NFATC1: variants seen among roughly 807,000 people sequenced by gnomAD.
NFATC1 encodes the protein nuclear factor of activated T-cells, cytoplasmic 1.
A neutral mutation model predicts 76.0 loss-of-function variants in NFATC1; 22 were observed. The observed-to-expected ratio is 0.29, with a 90% confidence interval of 0.21 to 0.41. The LOEUF (loss-of-function observed/expected upper bound fraction) is 0.41. Among genes scored for constraint, NFATC1 ranks in the 10% least tolerant of loss-of-function variants. The pLI is 1.00. For missense variants in NFATC1, 1,357 were observed against 1,337.7 expected (o/e 1.01, Z -0.23); for synonymous variants, 704 against 613.1 (o/e 1.15, Z -2.19).
chr18:79,400,705 C>G (rs1193840096), intron 1 of NFATC1, among the ~76,000 whole-genome samples: 2 of 151,484 alleles, frequency 1.3e-5, no homozygotes, highest in Non-Finnish European at 3.0e-5. Context: ...GCAGCCCGGA[C>G]ACGGGCGTGG....
At chr18:79,442,684 G>A (rs966937499) in intron 3 of NFATC1, among the ~76,000 whole-genome samples, 4 of 152,180 alleles carry the variant, frequency 2.6e-5, no homozygotes, top group East Asian at 1.9e-4. Flanking sequence ...TTGGCGCCAC[G>A]TGCTCACGCT....
intron 2 of NFATC1, among the ~76,000 whole-genome samples, chr18:79,423,789 C>G (rs1428714145): frequency 1.3e-5 from 2 of 152,224 alleles, no homozygotes; most frequent in Admixed American, 6.5e-5. Context: ...GGCCCGTGCC[C>G]TCCTCTGGGC....
intron 9 of NFATC1, among the ~76,000 whole-genome samples, chr18:79,492,625 CG>C (rs2089713338): frequency 6.6e-6 from 1 of 151,734 alleles, no homozygotes; most frequent in African/African-American, 2.4e-5. Context: ...AGGAGAATGG[CG>C]TGAACCTGGG....
chr18:79,402,866 C>T (rs140294070), intron 1 of NFATC1, among the ~76,000 whole-genome samples: 27 of 152,286 alleles, frequency 1.8e-4, no homozygotes, highest in South Asian at 4.1e-4. Flanking sequence ...CAGCTTTTGA[C>T]GGGTGATAGA....
At chr18:79,433,362 C>G (rs1461575694) in intron 2 of NFATC1, among the ~76,000 whole-genome samples, 1 of 152,178 alleles carries the variant, frequency 6.6e-6, no homozygotes, top group African/African-American at 2.4e-5. Context: ...TAAGGTTGTG[C>G]TTGGAAAATG....
intron 8 of NFATC1, among the ~76,000 whole-genome samples, chr18:79,478,784 A>G (rs542538267): frequency 6.6e-6 from 1 of 152,238 alleles, no homozygotes; most frequent in South Asian, 2.1e-4. Flanking sequence ...TCAGCTCCCA[A>G]CGTCACTGCT....
chr18:79,494,976 C>G (rs1314665572), intron 9 of NFATC1, among the ~76,000 whole-genome samples: 1 of 152,168 alleles, frequency 6.6e-6, no homozygotes, highest in African/African-American at 2.4e-5. Context: ...AGAGCGGGCA[C>G]ACGCCCCCCA....
intron 9 of NFATC1, among the ~76,000 whole-genome samples, chr18:79,526,686 T>TTA (rs1053073093): frequency 3.9e-5 from 6 of 152,248 alleles, no homozygotes; most frequent in African/African-American, 1.4e-4. Flanking sequence ...TTTATTATTG[T>TTA]TATTCTTAAA....
rs1569029902 is a variant in NFATC1 at position 79,494,277 on chromosome 18, AC to A, written c.2782+7342del. On this transcript the variant is annotated intron_variant, in intron 9 of 9. Coordinates refer to ENST00000427363, the MANE Select transcript of NFATC1 (RefSeq NM_001278669.2). ...GGCACACGCCCCCCATGAACCTGGT[AC>A]CGCCGGGGGAAGGCGAGAGCGGGCA... is the stretch of plus-strand genomic sequence containing the variant. Among the ~76,000 whole-genome samples the A allele has an allele frequency of 5.4e-4, 57 of 105,540 alleles. 6 individuals are homozygous for A. Among genetic ancestry groups the A allele is most frequent in the Non-Finnish European group, 7.5e-4 (38 of 50,378 alleles). 69.2% of individuals were successfully genotyped at this position (105,540 alleles called of 152,430 possible). A position where few individuals can be genotyped will look rare whatever the true frequency, so the allele number is the denominator to read the frequency against.
intron 6 of NFATC1, among the ~76,000 whole-genome samples, chr18:79,457,614 G>C (rs1378537050): frequency 6.6e-6 from 1 of 152,168 alleles, no homozygotes; most frequent in Non-Finnish European, 1.5e-5. Context: ...TAATTCGGTG[G>C]GTTTTGGTGG....
chr18:79,485,691 C>T (rs2089472333), intron 8 of NFATC1, among the ~76,000 whole-genome samples: 1 of 152,238 alleles, frequency 6.6e-6, no homozygotes, highest in Non-Finnish European at 1.5e-5. Flanking sequence ...AGCCTCCACA[C>T]AGCCTGTCCC....
chr18:79,485,089 CTGTT>C (rs2089456101), intron 8 of NFATC1, among the ~76,000 whole-genome samples: 1 of 152,358 alleles, frequency 6.6e-6, no homozygotes, highest in African/African-American at 2.4e-5. Context: ...GTGGTGGCGA[CTGTT>C]TGCACCGGGA....
intron 8 of NFATC1, among the ~76,000 whole-genome samples, chr18:79,482,634 G>A (rs185178560): frequency 2.3e-5 from 3 of 131,516 alleles, no homozygotes; most frequent in South Asian, 5.0e-4. Context: ...TAATTCCAGC[G>A]TGACCTCGTT....
chr18:79,447,939 G>GT (rs1167659829), intron 3 of NFATC1, among the ~76,000 whole-genome samples: 1 of 152,242 alleles, frequency 6.6e-6, no homozygotes, highest in Non-Finnish European at 1.5e-5. Flanking sequence ...TCATCCCACA[G>GT]AACAGCTGGT....
intron 9 of NFATC1, among the ~76,000 whole-genome samples, chr18:79,487,896 T>TTG (rs977232851): frequency 6.6e-6 from 1 of 152,154 alleles, no homozygotes; most frequent in African/African-American, 2.4e-5. Context: ...CTCGAATGGT[T>TTG]TGTGTGGGAA....
At chr18:79,398,541 G>T (rs1424690734) in intron 1 of NFATC1, among the ~76,000 whole-genome samples, 2 of 152,210 alleles carry the variant, frequency 1.3e-5, no homozygotes, top group South Asian at 4.1e-4. Context: ...TGGGGCGGGG[G>T]AAGGGGGGGC....
At chr18:79,518,320 C>G (rs1250904940) in intron 9 of NFATC1, among the ~76,000 whole-genome samples, 1 of 152,252 alleles carries the variant, frequency 6.6e-6, no homozygotes, top group Non-Finnish European at 1.5e-5. Flanking sequence ...AAGGACAACA[C>G]TAATGTCCCC....
intron 3 of NFATC1, among the ~76,000 whole-genome samples, chr18:79,434,602 G>A (rs1165742192): frequency 6.6e-6 from 1 of 152,366 alleles, no homozygotes; most frequent in Non-Finnish European, 1.5e-5. Flanking sequence ...CAGGCTACGC[G>A]GCAGCACAGA....
Position 79,410,703 on chromosome 18 carries a change from A to T in NFATC1, c.428A>T (p.Asp143Val). The T allele has an allele frequency of 3.1e-6, 5 of 1,613,000 alleles. No individual in the cohort carries two copies. The highest frequency in any genetic ancestry group is 3.3e-4 in the Middle Eastern group (2 of 6,062). ...NQFFHDVEVE[D>V]VLPSSKRSPS... ...TTTTTCCACGATGTGGAGGTGGAAGACGTCCTCCCTAGCTCCAAACGGTCC... is the reference window on the plus strand; with the variant it reads ...TTTTTCCACGATGTGGAGGTGGAAGTCGTCCTCCCTAGCTCCAAACGGTCC... Residue 143 changes from aspartate to valine, a missense_variant, in exon 2 of 10, where the codon GAC becomes GTC. Physicochemically the swap from Asp to Val is radical, Grantham distance 152. Transcript: ENST00000427363. The surrounding 1 kb of genome is among the most constrained non-coding windows in gnomAD (Gnocchi z 6.7).
Sources: allele counts gnomAD v4.1 joint callset (sites outside exome capture counted in the v4.1 genomes callset), GRCh38; gene constraint gnomAD v4.1.1; non-coding constraint Gnocchi (gnomAD v3.1); transcripts MANE v1.5; gene names NCBI Gene and HGNC (gene_info 2026-07-23, HGNC 2026-07-21).